The following GUCY2C variants were observed in gnomAD, a reference collection of about 807,000 sequenced individuals.
GUCY2C encodes the protein guanylate cyclase 2C.
A neutral mutation model predicts 131.1 loss-of-function variants in GUCY2C; 118 were observed. That is an observed-to-expected ratio of 0.90 (90% confidence interval 0.78 to 1.05). The LOEUF (loss-of-function observed/expected upper bound fraction) is 1.05, where lower values mean the gene tolerates loss of function less well. Ranked by LOEUF, GUCY2C falls within the 50% of genes least tolerant of loss-of-function variation. The pLI is 0.00. For missense variants in GUCY2C, 1,161 were observed against 1,304.4 expected (o/e 0.89, Z 1.69); for synonymous variants, 452 against 457.8 (o/e 0.99, Z 0.16).
intron 8 of GUCY2C, 50 bp from the exon 9 acceptor site, chr12:14,673,008 CA>C (rs1437897310): frequency 9.5e-7 from 1 of 1,048,244 alleles, no homozygotes; most frequent in African/African-American, 1.6e-5. Flanking sequence ...TTTTGCCTGA[CA>C]GATAAGTTGG....
chr12:14,657,070 C>T (rs984980115), intron 11 of GUCY2C, among the ~76,000 whole-genome samples: 1 of 152,226 alleles, frequency 6.6e-6, no homozygotes, highest in Non-Finnish European at 1.5e-5. Context: ...CTCGCTCACC[C>T]GCTGCTCACC....
At chr12:14,645,911 T>C (rs1384983742) in intron 15 of GUCY2C, among the ~76,000 whole-genome samples, 1 of 151,788 alleles carries the variant, frequency 6.6e-6, no homozygotes, top group Non-Finnish European at 1.5e-5. Context: ...TCTCAGCTCA[T>C]TGCAACCTGT....
chr12:14,685,670 G>A (rs1056182448), intron 3 of GUCY2C, among the ~76,000 whole-genome samples: 3 of 151,972 alleles, frequency 2.0e-5, no homozygotes, highest in Non-Finnish European at 4.4e-5. Flanking sequence ...GATAGTAAGG[G>A]CACTGTACAA....
intron 1 of GUCY2C, among the ~76,000 whole-genome samples, chr12:14,696,002 C>T (rs996616146): frequency 3.9e-5 from 6 of 152,104 alleles, no homozygotes; most frequent in Non-Finnish European, 7.3e-5. Flanking sequence ...GAACACTTTA[C>T]ATTTCCTGAG....
chr12:14,650,466 TCGATCTCCTGACCTCATGATC>T (rs1311603714), intron 15 of GUCY2C, among the ~76,000 whole-genome samples: 1 of 152,200 alleles, frequency 6.6e-6, no homozygotes, highest in African/African-American at 2.4e-5. Context: ...CAAGATGGTC[TCGATCTCCTGACCTCATGATC>T]CGCCTGCCTC....
chr12:14,688,343 A>C (rs1161693520), intron 1 of GUCY2C, among the ~76,000 whole-genome samples: 1 of 152,072 alleles, frequency 6.6e-6, no homozygotes, highest in Non-Finnish European at 1.5e-5. Context: ...CGATTCAATG[A>C]CTTTTAGTAA....
At chr12:14,696,163 T>TAAA (rs1948651326) in intron 1 of GUCY2C, 69 bp downstream of exon 1, 3 of 1,260,156 alleles carry the variant, frequency 2.4e-6, no homozygotes, top group Non-Finnish European at 3.5e-6. Flanking sequence ...CACAAGGTCT[T>TAAA]TGCTTAGCAA....
intron 7 of GUCY2C, among the ~76,000 whole-genome samples, chr12:14,675,948 A>C (rs935014982): frequency 6.6e-6 from 1 of 152,230 alleles, no homozygotes; most frequent in African/African-American, 2.4e-5. Flanking sequence ...GCTCCAAAAG[A>C]GGATGCAGTC....
chr12:14,652,164 T>TATTTATTG, intron 13 of GUCY2C, 134 bp from the exon 14 acceptor site: 1 of 86,388 alleles, frequency 1.2e-5, no homozygotes, highest in East Asian at 1.9e-4. Context: ...TGATTTTTTA[T>TATTTATTG]ATTTATTTAT....
intron 11 of GUCY2C, among the ~76,000 whole-genome samples, chr12:14,660,260 G>A (rs1244351561): frequency 6.6e-6 from 1 of 152,172 alleles, no homozygotes; most frequent in African/African-American, 2.4e-5. Flanking sequence ...TATAAGTTTG[G>A]CATTTAACAT....
At chr12:14,637,618 C>T (rs1215070675) in intron 19 of GUCY2C, among the ~76,000 whole-genome samples, 3 of 152,072 alleles carry the variant, frequency 2.0e-5, no homozygotes, top group African/African-American at 7.2e-5. Context: ...GAATAGAGAA[C>T]CCAGAAATAA....
At position 14,626,838 on chromosome 12, in the gene GUCY2C, T is replaced by G. The variant is rs541411752; in HGVS notation, c.2250-923A>C. Among the ~76,000 whole-genome samples, 3 of 152,334 alleles carry G rather than the reference T, an allele frequency of 2.0e-5. No individual in the cohort carries two copies. The East Asian group carries it at 5.8e-4, about 29-fold the overall frequency. On this transcript the variant is annotated intron_variant, in intron 20 of 26. Coordinates refer to ENST00000261170, the MANE Select transcript of GUCY2C (RefSeq NM_004963.4). ...GTCACCTATTGGGAAACAGGTGACG[T>G]TTTACTTTCTTGCTTTCTTATTTGT...
chr12:14,646,605 T>C (rs1360033882), intron 15 of GUCY2C, among the ~76,000 whole-genome samples: 1 of 152,228 alleles, frequency 6.6e-6, no homozygotes, highest in Non-Finnish European at 1.5e-5. Context: ...TATAAAATTA[T>C]TGCTAATTGC....
chr12:14,614,718 G>A (rs1464400731), intron 26 of GUCY2C, 149 bp downstream of exon 26: 3 of 587,434 alleles, frequency 5.1e-6, no homozygotes, highest in Non-Finnish European at 8.9e-6. Flanking sequence ...AGTCTAGGAA[G>A]GGAGGTTTCT....
chr12:14,629,127 C>T (rs570378288), intron 19 of GUCY2C, among the ~76,000 whole-genome samples: 72 of 152,232 alleles, frequency 4.7e-4, no homozygotes, highest in African/African-American at 1.7e-3. Context: ...AAAGCCAGTG[C>T]CCTTATACAA....
chr12:14,619,304 A>C lies in GUCY2C; in HGVS notation c.2782T>G (p.Cys928Gly). 6.2e-7 allele frequency: 1 copy of C among 1,605,030 alleles called. No individual in the cohort carries two copies. Among genetic ancestry groups the C allele is most frequent in the Non-Finnish European group, 8.5e-7 (1 of 1,171,684 alleles). Reference protein sequence around the residue: ...WIRIGVHSGPCAAGVVGIKMP... With the variant: ...WIRIGVHSGPGAAGVVGIKMP... ...TTGATTCCCACAACTCCAGCAGCAC[A>C]GGGACCTGAAATGAAGGACAGAAAG... The change falls in exon 24 of 27, where the codon TGT becomes GGT. Residue 928 changes from cysteine (C) to glycine (G), a missense_variant. By Grantham distance (159) the Cys-to-Gly change is radical. Coordinates refer to ENST00000261170, the MANE Select transcript of GUCY2C (RefSeq NM_004963.4).
chr12:14,657,467 G>A lies in GUCY2C; in HGVS notation c.1365-850C>T, dbSNP rs142467899. Among the ~76,000 whole-genome samples the A allele has an allele frequency of 6.7e-4, 102 of 152,056 alleles. 1 individual carries two copies. The highest frequency in any genetic ancestry group is 2.2e-3 in the African/African-American group (93 of 41,496). On this transcript the variant is annotated intron_variant, in intron 11 of 26. Coordinates refer to ENST00000261170, the MANE Select transcript of GUCY2C (RefSeq NM_004963.4). ...TGTATAGTTTCCTTCAGATAGTATC[G>A]GTCCCCAGATAGTGTAGGTTGGGGA...
rs772721812 is a variant in GUCY2C at position 14,653,040 on chromosome 12, C to T, written c.1471-26G>A. ...CTGGCACAAGAAAAGGCTAATTATT[C>T]CAGAAGCTCCATATCTCATCCTACT... On this transcript the variant is annotated intron_variant, in intron 12 of 26. Transcript: ENST00000261170. 5 of 1,540,300 alleles carry T rather than the reference C, an allele frequency of 3.2e-6. No individual in the cohort carries two copies. The Admixed American group carries it at 6.7e-5, about 21-fold the overall frequency.
In GUCY2C at chr12:14,652,003, T is replaced by G; in HGVS notation, c.1561A>C (p.Asn521His). ...TGTTTTTCAGTGAAATTACCATCAT[T>G]GTGCTTGAGATCTTTGAGAATCACT... ...KRVILKDLKHNDGNFTEKQKI... is the reference protein window; with the variant it reads ...KRVILKDLKHHDGNFTEKQKI... The change falls in exon 14 of 27, where the codon AAT becomes CAT. Residue 521 changes from asparagine (N) to histidine (H), a missense_variant. By Grantham distance (68) the Asn-to-His change is moderately conservative (BLOSUM62 1). Transcript: ENST00000261170. 3 of 1,603,534 alleles carry G rather than the reference T, an allele frequency of 1.9e-6. No homozygotes were observed. Among genetic ancestry groups the G allele is most frequent in the South Asian group, 1.1e-5 (1 of 90,760 alleles).
Sources: gnomAD v4.1 joint callset for allele counts (sites outside exome capture counted in the v4.1 genomes callset) on GRCh38, gnomAD v4.1.1 for gene constraint, MANE v1.5 for transcripts, NCBI Gene and HGNC (gene_info 2026-07-23, HGNC 2026-07-21) for gene names.